The following CLSTN3 variants were observed in gnomAD, a reference collection of about 807,000 sequenced individuals.
The protein encoded by CLSTN3 is calsyntenin 3.
In CLSTN3, 36 loss-of-function variants were observed where a neutral mutation model predicts 95.9. That is an observed-to-expected ratio of 0.38 (90% CI 0.29 to 0.50). CLSTN3 has a LOEUF of 0.50. Among genes scored for constraint, CLSTN3 ranks in the 20% least tolerant of loss-of-function variants. The pLI is 0.95. For missense variants in CLSTN3, 1,084 were observed against 1,268.8 expected (o/e 0.85, Z 2.21); for synonymous variants, 481 against 504.0 (o/e 0.95, Z 0.61).
At chr12:7,135,738 T>C in intron 4 of CLSTN3, 66 bp from the exon 5 acceptor site, 1 of 1,532,630 alleles carries the variant, frequency 6.5e-7, no homozygotes. Context: ...ATCTCAGACA[T>C]CCTCCCCTCC....
At chr12:7,143,566 T>C (rs907646186) in intron 12 of CLSTN3, among the ~76,000 whole-genome samples, 2 of 152,246 alleles carry the variant, frequency 1.3e-5, no homozygotes, top group Non-Finnish European at 2.9e-5. Flanking sequence ...GTTTCCGGGC[T>C]TTGATCTTCT....
chr12:7,134,887 T>G (rs1939374524), intron 3 of CLSTN3, among the ~76,000 whole-genome samples: 1 of 152,130 alleles, frequency 6.6e-6, no homozygotes, highest in South Asian at 2.1e-4. Flanking sequence ...CCTCCTTTCT[T>G]TGGGCCCTCC....
In CLSTN3 at chr12:7,143,251, T is replaced by G. The variant is rs1044971987; in HGVS notation, c.1787T>G (p.Met596Arg). Residue 596 changes from methionine to arginine, a missense_variant, in exon 12 of 18, where the codon ATG (methionine) becomes AGG (arginine). Coordinates refer to ENST00000266546, the MANE Select transcript of CLSTN3 (RefSeq NM_014718.4). ...CATGCCCTGCAGCATGTGGCTTACA[T>G]GAACACTCTGCGCTTTGCCACGCCC... is the stretch of plus-strand genomic sequence containing the variant. ...FNHALQHVAY[M>R]NTLRFATPGV... 1.1e-5 allele frequency: 17 copies of G among 1,613,678 alleles called. No individual in the cohort carries two copies. The highest frequency in any genetic ancestry group is 1.4e-5 in the Non-Finnish European group (16 of 1,180,038).
At chr12:7,139,734 G>T (rs191213103) in intron 8 of CLSTN3, among the ~76,000 whole-genome samples, 1 of 151,480 alleles carries the variant, frequency 6.6e-6, no homozygotes, top group African/African-American at 2.4e-5. Context: ...CTGCAACCTC[G>T]GCCTCCCGGG....
At chr12:7,135,583 C>T (rs757075797) in intron 4 of CLSTN3, 48 bp downstream of exon 4, 1 of 1,581,098 alleles carries the variant, frequency 6.3e-7, no homozygotes, top group Non-Finnish European at 8.7e-7. Flanking sequence ...CCTTGAGCAC[C>T]CACCTCCCTC....
chr12:7,130,822 C>A, intron 1 of CLSTN3, 110 bp downstream of exon 1: 2 of 958,856 alleles, frequency 2.1e-6, no homozygotes, highest in Non-Finnish European at 3.2e-6. Flanking sequence ...AGGTGTCTGG[C>A]CCTCTTCTGA....
In CLSTN3 at chr12:7,141,390, G is replaced by C. The variant is rs772209938; in HGVS notation, c.1472G>C (p.Gly491Ala). The stretch of plus-strand genomic sequence containing the variant: ...CGAAGGGAGCCTGCTCTCATGATTG[G>C]GGCCTGCTGGACTGGTAAGCTTCTC... ...PPRREPALMI[G>A]ACWTEEKNKE... The change falls in exon 9 of 18, where the codon GGG becomes GCG. Residue 491 changes from glycine to alanine, a missense_variant. Physicochemically the swap from Gly to Ala is moderately conservative, Grantham distance 60 (BLOSUM62 0). Transcript: ENST00000266546. This position sits in a 1 kb window ranked among gnomAD's most constrained non-coding sequence, Gnocchi z 4.1. 1.4e-5 allele frequency: 23 copies of C among 1,614,196 alleles called. No individual in the cohort carries two copies. In the South Asian group the frequency reaches 2.5e-4, roughly 18 times the overall value.
intron 1 of CLSTN3, 153 bp from the exon 2 acceptor site, chr12:7,132,871 G>C: frequency 1.0e-6 from 1 of 957,764 alleles, no homozygotes; most frequent in Non-Finnish European, 1.6e-6. Context: ...CTGATTTCTT[G>C]TCCTCAACCA....
chr12:7,153,153 C>T (rs1023364266), intron 16 of CLSTN3, among the ~76,000 whole-genome samples: 3 of 152,050 alleles, frequency 2.0e-5, no homozygotes, highest in Non-Finnish European at 4.4e-5. Context: ...TGAAAACAAC[C>T]GCAGAGGCTT....
In CLSTN3 at chr12:7,130,589, G is replaced by T; in HGVS notation, c.-60G>T. The T allele has an allele frequency of 1.4e-5, 22 of 1,549,832 alleles. No homozygotes were observed. Among genetic ancestry groups the T allele is most frequent in the Non-Finnish European group, 1.9e-5 (22 of 1,147,090 alleles). ...GTATCCCTCCCGCAAGGTGGAATCC[G>T]CAGGCTGGAGGCTCCCAGGGGAGGC... On this transcript the variant is annotated 5_prime_UTR_variant, in exon 1 of 18. Transcript: ENST00000266546.
In CLSTN3 at chr12:7,156,381, C is replaced by T. The variant is rs774261317; in HGVS notation, c.2528-1108C>T. On this transcript the variant is annotated intron_variant, in intron 16 of 17. Coordinates refer to ENST00000266546, the MANE Select transcript of CLSTN3 (RefSeq NM_014718.4). Reference sequence around the variant, plus strand: ...GAGGCAGGCAGGGCTGTGCTCATGGCGGCTCGCTCTGTGGCCCTCACGGCC... The same window carrying T: ...GAGGCAGGCAGGGCTGTGCTCATGGTGGCTCGCTCTGTGGCCCTCACGGCC... 28 of 456,382 alleles carry T rather than the reference C, an allele frequency of 6.1e-5. 1 individual carries two copies. The highest frequency in any genetic ancestry group is 3.2e-4 in the Middle Eastern group (1 of 3,102). The allele number at this position is 456,382 out of a possible 1,614,324, so 28.3% of individuals were successfully genotyped here.
At position 7,137,353 on chromosome 12, in the gene CLSTN3, T is replaced by C; in HGVS notation, c.1210+243T>C. The C allele has an allele frequency of 3.9e-6, 2 of 517,542 alleles. No individual in the cohort carries two copies. Among genetic ancestry groups the C allele is most frequent in the South Asian group, 4.5e-5 (2 of 44,154 alleles). 32.1% of individuals were successfully genotyped at this position (517,542 alleles called of 1,614,324 possible). A position where few individuals can be genotyped will look rare whatever the true frequency, so the allele number is the denominator to read the frequency against. On this transcript the variant is annotated intron_variant, in intron 7 of 17. Coordinates refer to ENST00000266546, the MANE Select transcript of CLSTN3 (RefSeq NM_014718.4). This position sits in a 1 kb window ranked among gnomAD's most constrained non-coding sequence, Gnocchi z 4.4. ...TCTTGTTTTCAGTTGCCCAGTCAAC[T>C]TCTCTGTGTCCCACCATGTGGTAGG...
upstream of CLSTN3, chr12:7,129,845 G>A: frequency 1.0e-6 from 1 of 981,072 alleles, no homozygotes; most frequent in Non-Finnish European, 1.2e-6. This position sits in a 1 kb window ranked among gnomAD's most constrained non-coding sequence, Gnocchi z 5.5. Flanking sequence ...CGCGAGGGGT[G>A]CACGACGTCC....
chr12:7,142,034 C>G, intron 9 of CLSTN3, 52 bp from the exon 10 acceptor site: 2 of 1,408,928 alleles, frequency 1.4e-6, no homozygotes, highest in Non-Finnish European at 1.9e-6. Context: ...CTGTCAATCT[C>G]TCCACATCCC....
chr12:7,151,068 G>A lies in CLSTN3; in HGVS notation c.2527+5G>A, dbSNP rs752517383. ...CCAGCTCCCACAGAAACTCCAGTAC[G>A]TAAGCCTGGTGGGGCTGGGCAGGGA... On this transcript the variant is annotated splice_donor_5th_base_variant and intron_variant, in intron 16 of 17. Coordinates refer to ENST00000266546, the MANE Select transcript of CLSTN3 (RefSeq NM_014718.4). 4.4e-6 allele frequency: 7 copies of A among 1,580,162 alleles called. No homozygotes were observed. The highest frequency in any genetic ancestry group is 3.4e-6 in the Non-Finnish European group (4 of 1,161,390).
At chr12:7,134,132 C>G (rs1939360314) in intron 3 of CLSTN3, among the ~76,000 whole-genome samples, 1 of 152,130 alleles carries the variant, frequency 6.6e-6, no homozygotes, top group Admixed American at 6.5e-5. Context: ...ACCACAGTGC[C>G]TGATACACGT....
chr12:7,132,985 T>C, intron 1 of CLSTN3, 39 bp from the exon 2 acceptor site: 1 of 1,611,978 alleles, frequency 6.2e-7, no homozygotes, highest in African/African-American at 1.3e-5. Flanking sequence ...GAGGCCCTGC[T>C]CACAGGTGCT....
chr12:7,130,412 G>A lies in CLSTN3; in HGVS notation c.-237G>A, dbSNP rs1939273311. 1.4e-6 allele frequency: 2 copies of A among 1,443,864 alleles called. No homozygotes were observed. The highest frequency in any genetic ancestry group is 1.4e-5 in the African/African-American group (1 of 70,466). The allele number at this position is 1,443,864 out of a possible 1,614,324, so 89.4% of individuals were successfully genotyped here. On this transcript the variant is annotated 5_prime_UTR_variant, in exon 1 of 18. Transcript: ENST00000266546. The stretch of plus-strand genomic sequence containing the variant: ...GTTGGGGTGGGAGTGAGAGAGTGAG[G>A]ACGCTGGGCTGGGGGAAACGGGAAG...
At chr12:7,131,624 G>A (rs1156786250) in intron 1 of CLSTN3, among the ~76,000 whole-genome samples, 2 of 152,058 alleles carry the variant, frequency 1.3e-5, no homozygotes, top group Non-Finnish European at 2.9e-5. Context: ...AGGAGGAGAG[G>A]AGACAGAGGC....
Sources: allele counts gnomAD v4.1 joint callset (sites outside exome capture counted in the v4.1 genomes callset), GRCh38; gene constraint gnomAD v4.1.1; non-coding constraint Gnocchi (gnomAD v3.1); transcripts MANE v1.5; gene names NCBI Gene and HGNC (gene_info 2026-07-23, HGNC 2026-07-21).